MAD1L1: variants seen among roughly 807,000 people sequenced by gnomAD.
MAD1L1 encodes the protein mitotic spindle assembly checkpoint protein MAD1.
In MAD1L1, 95 loss-of-function variants were observed where a neutral mutation model predicts 96.9. The observed-to-expected ratio is 0.98, with a 90% confidence interval of 0.83 to 1.16. MAD1L1 has a LOEUF of 1.16. MAD1L1 is among the 50% of genes most tolerant of loss of function. MAD1L1 has a pLI of 0.00. For synonymous variants in MAD1L1, 473 were observed against 396.6 expected (o/e 1.19, Z -2.29); for missense variants, 1,007 against 954.4 (o/e 1.06, Z -0.73).
At chr7:1,973,361 C>T (rs1780487217) in intron 15 of MAD1L1, among the ~76,000 whole-genome samples, 2 of 152,132 alleles carry the variant, frequency 1.3e-5, no homozygotes, top group African/African-American at 4.8e-5. Context: ...ACAGACCTGG[C>T]GGACACCATC....
At chr7:2,003,440 T>C (rs1781894208) in intron 13 of MAD1L1, among the ~76,000 whole-genome samples, 1 of 152,102 alleles carries the variant, frequency 6.6e-6, no homozygotes, top group Admixed American at 6.5e-5. Flanking sequence ...CTGTCCGCTC[T>C]GCAGACCATG....
chr7:2,222,794 C>G (rs144195184), intron 4 of MAD1L1, 40 bp from the exon 5 acceptor site: 27,217 of 1,520,466 alleles, frequency 0.018, 298 homozygotes, highest in Non-Finnish European at 0.021. Context: ...GTGCCGCCCA[C>G]GGGAGGGTCA....
intron 17 of MAD1L1, among the ~76,000 whole-genome samples, chr7:1,916,185 A>T (rs565910563): frequency 6.6e-6 from 1 of 152,182 alleles, no homozygotes; most frequent in South Asian, 2.1e-4. Context: ...CTCACGTGGG[A>T]CATGCAAACG....
intron 18 of MAD1L1, among the ~76,000 whole-genome samples, chr7:1,871,530 CGAACCCAACATATGCCTGCCACGCT>C (rs1433621058): frequency 7.9e-6 from 1 of 126,214 alleles, no homozygotes; most frequent in Non-Finnish European, 1.7e-5. Context: ...CCTGCCACGC[CGAACCCAACATATGCCTGCCACGCT>C]GAACCCAACA....
At chr7:1,927,996 G>A (rs1250694633) in intron 17 of MAD1L1, among the ~76,000 whole-genome samples, 2 of 152,224 alleles carry the variant, frequency 1.3e-5, no homozygotes, top group Non-Finnish European at 2.9e-5. Context: ...GTGGGGGGCA[G>A]CTACTTCTCC....
At chr7:1,888,193 T>C (rs1042195709) in intron 18 of MAD1L1, among the ~76,000 whole-genome samples, 1 of 151,128 alleles carries the variant, frequency 6.6e-6, no homozygotes, top group African/African-American at 2.4e-5. Context: ...TGTGCATGCA[T>C]GTATGTGGCT....
intron 12 of MAD1L1, among the ~76,000 whole-genome samples, chr7:2,053,621 G>A (rs913731622): frequency 1.3e-5 from 2 of 152,176 alleles, no homozygotes; most frequent in African/African-American, 2.4e-5. Context: ...CATCTTCCCC[G>A]CACAGCACGT....
At chr7:1,900,842 C>T (rs933903283) in intron 17 of MAD1L1, among the ~76,000 whole-genome samples, 2 of 152,230 alleles carry the variant, frequency 1.3e-5, no homozygotes, top group African/African-American at 4.8e-5. Flanking sequence ...TCACAGACCT[C>T]TGGAAGTTCC....
At chr7:1,988,289 T>A (rs999892939) in intron 14 of MAD1L1, among the ~76,000 whole-genome samples, 6 of 152,202 alleles carry the variant, frequency 3.9e-5, no homozygotes, top group African/African-American at 1.2e-4. Flanking sequence ...GGGGCAACTC[T>A]GCCGCTGCAT....
intron 18 of MAD1L1, among the ~76,000 whole-genome samples, chr7:1,866,887 C>T (rs1010214256): frequency 6.6e-6 from 1 of 152,194 alleles, no homozygotes; most frequent in Non-Finnish European, 1.5e-5. Context: ...CTGGGCCAGG[C>T]TCCTGCAGGC....
chr7:2,133,008 C>A (rs564754590), intron 11 of MAD1L1, among the ~76,000 whole-genome samples: 81 of 152,158 alleles, frequency 5.3e-4, no homozygotes, highest in Non-Finnish European at 1.1e-3. Context: ...CCCCTTCCTG[C>A]GTCTGCTTTG....
At chr7:2,132,378 A>ACCGCGCGTCCACCATCACGG (rs1788553773) in intron 11 of MAD1L1, among the ~76,000 whole-genome samples, 2 of 149,228 alleles carry the variant, frequency 1.3e-5, no homozygotes, top group Admixed American at 6.7e-5. Context: ...TCCCTGTGCG[A>ACCGCGCGTCCACCATCACGG]CCGCGCGTCC....
At chr7:2,166,062 C>T (rs890712353) in intron 10 of MAD1L1, among the ~76,000 whole-genome samples, 1 of 152,206 alleles carries the variant, frequency 6.6e-6, no homozygotes, top group Admixed American at 6.5e-5. Context: ...CACACGTTCT[C>T]CCATGTGGAA....
intron 10 of MAD1L1, among the ~76,000 whole-genome samples, chr7:2,160,260 A>C (rs1320000126): frequency 6.6e-6 from 1 of 151,892 alleles, no homozygotes; most frequent in Non-Finnish European, 1.5e-5. Flanking sequence ...TCTAAAAGAT[A>C]AACAAGAAAA....
At chr7:2,005,531 G>A (rs1452067961) in intron 13 of MAD1L1, among the ~76,000 whole-genome samples, 4 of 152,164 alleles carry the variant, frequency 2.6e-5, no homozygotes, top group Non-Finnish European at 4.4e-5. Context: ...TCCAGGCACC[G>A]TGCTCATGCC....
At position 2,015,849 on chromosome 7, in the gene MAD1L1, C is replaced by T. The variant is rs533911485; in HGVS notation, c.1219-1207G>A. Among the ~76,000 whole-genome samples, 95 of 152,360 alleles carry T rather than the reference C, an allele frequency of 6.2e-4. 1 individual carries two copies. Among genetic ancestry groups the T allele is most frequent in the African/African-American group, 2.1e-3 (89 of 41,592 alleles). ...GTAGATTCAGGGTGGGCCTGGGAATCTGCCCTTCTAACATGTGCCCCAGGG... is the reference window on the plus strand; with the variant it reads ...GTAGATTCAGGGTGGGCCTGGGAATTTGCCCTTCTAACATGTGCCCCAGGG... On this transcript the variant is annotated intron_variant, in intron 12 of 18. Coordinates refer to ENST00000265854, the MANE Select transcript of MAD1L1 (RefSeq NM_001013836.2).
At chr7:2,105,553 T>C in intron 11 of MAD1L1, among the ~76,000 whole-genome samples, 1 of 152,052 alleles carries the variant, frequency 6.6e-6, no homozygotes, top group Non-Finnish European at 1.5e-5. Flanking sequence ...GCTCCTACAC[T>C]GCCCTGAAGC....
At chr7:1,842,941 G>C (rs1783359938) in intron 18 of MAD1L1, among the ~76,000 whole-genome samples, 1 of 152,260 alleles carries the variant, frequency 6.6e-6, no homozygotes, top group African/African-American at 2.4e-5. Context: ...GCTGGGGTGA[G>C]TCCGAGGCCG....
chr7:2,107,920 C>G (rs1469002400), intron 11 of MAD1L1, among the ~76,000 whole-genome samples: 1 of 152,088 alleles, frequency 6.6e-6, no homozygotes, highest in African/African-American at 2.4e-5. Flanking sequence ...GTGTCCCGGG[C>G]TGTGACACCA....
Sources: gnomAD v4.1 joint callset for allele counts (sites outside exome capture counted in the v4.1 genomes callset) on GRCh38, gnomAD v4.1.1 for gene constraint, MANE v1.5 for transcripts, NCBI Gene and HGNC (gene_info 2026-07-23, HGNC 2026-07-21) for gene names.